The following BCKDHB variants were observed in gnomAD, a reference collection of about 807,000 sequenced individuals.
BCKDHB encodes the protein branched chain keto acid dehydrogenase E1 subunit beta.
A neutral mutation model predicts 48.5 loss-of-function variants in BCKDHB; 41 were observed. That is an observed-to-expected ratio of 0.85 (90% confidence interval 0.66 to 1.10). The LOEUF (loss-of-function observed/expected upper bound fraction) is 1.10, where lower values mean the gene tolerates loss of function less well. BCKDHB is among the 50% of genes least tolerant of loss of function. The probability of loss-of-function intolerance (pLI) is 0.00; values close to 1 mark genes in which losing one functional copy is unlikely to be tolerated. For missense variants in BCKDHB, 496 were observed against 494.2 expected (o/e 1.00, Z -0.03); for synonymous variants, 201 against 174.8 (o/e 1.15, Z -1.18).
At chr6:80,186,677 C>T (rs1773657526) in intron 6 of BCKDHB, among the ~76,000 whole-genome samples, 1 of 152,178 alleles carries the variant, frequency 6.6e-6, no homozygotes, top group Non-Finnish European at 1.5e-5. Context: ...CTTCTTTCAT[C>T]CTATGGCCCC....
chr6:80,220,652 A>G (rs894907037), intron 8 of BCKDHB, among the ~76,000 whole-genome samples: 2 of 151,672 alleles, frequency 1.3e-5, no homozygotes, highest in African/African-American at 4.8e-5. Flanking sequence ...ATTCTTGGAC[A>G]TCAGTGCTCA....
At chr6:80,266,511 C>CT (rs1336914136) in intron 8 of BCKDHB, among the ~76,000 whole-genome samples, 1 of 151,948 alleles carries the variant, frequency 6.6e-6, no homozygotes, top group African/African-American at 2.4e-5. Flanking sequence ...CCATTGTGAC[C>CT]TTTTTTCAGT....
chr6:80,344,132 G>A lies in BCKDHB; in HGVS notation c.*328G>A. 1 of 351,822 alleles carries A rather than the reference G, an allele frequency of 2.8e-6. No homozygotes were observed. Among genetic ancestry groups the A allele is most frequent in the Non-Finnish European group, 5.5e-6 (1 of 182,740 alleles). The allele number at this position is 351,822 out of a possible 1,614,324, so 21.8% of individuals were successfully genotyped here. On this transcript the variant is annotated 3_prime_UTR_variant, in exon 10 of 10. Coordinates refer to ENST00000320393, the MANE Select transcript of BCKDHB (RefSeq NM_183050.4). Reference sequence around the variant, plus strand: ...CGATTCTCCTGCCTCAGCCTGCTGAGTAGTTGGGATTACAGGCGCCCACCA... The same window carrying A: ...CGATTCTCCTGCCTCAGCCTGCTGAATAGTTGGGATTACAGGCGCCCACCA...
chr6:80,465,568 T>G, the BCKDHB span, among the ~76,000 whole-genome samples: 2 of 152,200 alleles, frequency 1.3e-5, no homozygotes, highest in African/African-American at 4.8e-5. Context: ...TGTATTAACT[T>G]AGGTTGAAAC....
At chr6:80,391,330 A>G in the BCKDHB span, among the ~76,000 whole-genome samples, 1 of 152,114 alleles carries the variant, frequency 6.6e-6, no homozygotes, top group Admixed American at 6.6e-5. Context: ...AAAAGATGTG[A>G]TTCAGTTGAG....
intron 6 of BCKDHB, among the ~76,000 whole-genome samples, chr6:80,199,393 A>G (rs1774277138): frequency 6.6e-6 from 1 of 152,144 alleles, no homozygotes; most frequent in African/African-American, 2.4e-5. Flanking sequence ...CTTTTTGAAT[A>G]TACATATATA....
At chr6:80,238,613 T>G (rs1776244291) in intron 8 of BCKDHB, among the ~76,000 whole-genome samples, 1 of 152,014 alleles carries the variant, frequency 6.6e-6, no homozygotes, top group South Asian at 2.1e-4. Context: ...TTTTATTTTT[T>G]ATTATACTTT....
the BCKDHB span, among the ~76,000 whole-genome samples, chr6:80,416,250 T>A: frequency 6.6e-6 from 1 of 151,736 alleles, no homozygotes; most frequent in East Asian, 1.9e-4. Flanking sequence ...AATAGGTTTT[T>A]TTTTTTTTTC....
intron 8 of BCKDHB, among the ~76,000 whole-genome samples, chr6:80,214,271 G>C (rs1299749936): frequency 6.6e-6 from 1 of 152,150 alleles, no homozygotes; most frequent in East Asian, 1.9e-4. Context: ...AAGTATTTGT[G>C]AATGGTGCAG....
intron 9 of BCKDHB, among the ~76,000 whole-genome samples, chr6:80,333,731 G>A (rs954044866): frequency 1.3e-5 from 2 of 151,980 alleles, no homozygotes; most frequent in Non-Finnish European, 2.9e-5. Flanking sequence ...AAATGCCCTG[G>A]TTCATCTAAA....
chr6:80,407,791 C>A, the BCKDHB span, among the ~76,000 whole-genome samples: 1 of 152,126 alleles, frequency 6.6e-6, no homozygotes, highest in Non-Finnish European at 1.5e-5. Context: ...ACAGTCATGT[C>A]ATCTGCAAAC....
At chr6:80,445,728 A>T in the BCKDHB span, among the ~76,000 whole-genome samples, 1 of 152,164 alleles carries the variant, frequency 6.6e-6, no homozygotes, top group African/African-American at 2.4e-5. Context: ...TCCTGGCAAC[A>T]TTTAGAGATG....
the BCKDHB span, among the ~76,000 whole-genome samples, chr6:80,391,475 G>A: frequency 6.6e-6 from 1 of 152,144 alleles, no homozygotes; most frequent in African/African-American, 2.4e-5. Context: ...AGAGATTGGA[G>A]TGATGCAACT....
the BCKDHB span, among the ~76,000 whole-genome samples, chr6:80,456,930 T>C: frequency 6.6e-6 from 1 of 152,240 alleles, no homozygotes; most frequent in Non-Finnish European, 1.5e-5. Flanking sequence ...GAGTTCATTA[T>C]GCTGTATTGA....
At chr6:80,150,839 GA>G (rs1334102806) in intron 3 of BCKDHB, among the ~76,000 whole-genome samples, 3 of 152,116 alleles carry the variant, frequency 2.0e-5, no homozygotes, top group Non-Finnish European at 4.4e-5. Context: ...TTACAGGCGT[GA>G]GCCACCACAC....
At chr6:80,396,458 G>A in the BCKDHB span, among the ~76,000 whole-genome samples, 1 of 152,226 alleles carries the variant, frequency 6.6e-6, no homozygotes, top group Non-Finnish European at 1.5e-5. Context: ...GTTAATGTGG[G>A]AATGAGTTAA....
the BCKDHB span, among the ~76,000 whole-genome samples, chr6:80,437,615 G>A: frequency 3.9e-5 from 6 of 152,172 alleles, no homozygotes; most frequent in African/African-American, 1.4e-4. Flanking sequence ...AAGAGTATAA[G>A]TAATATTTTC....
intron 1 of BCKDHB, among the ~76,000 whole-genome samples, chr6:80,124,703 C>T (rs1405547498): frequency 6.6e-6 from 1 of 152,158 alleles, no homozygotes; most frequent in Non-Finnish European, 1.5e-5. Context: ...TCCGTCAGAG[C>T]GCTTGGGTGA....
At chr6:80,374,963 G>A in the BCKDHB span, among the ~76,000 whole-genome samples, 1 of 152,150 alleles carries the variant, frequency 6.6e-6, no homozygotes, top group Admixed American at 6.5e-5. Flanking sequence ...TGTTTAAGGA[G>A]GCTAAAGATA....
Sources: allele counts gnomAD v4.1 joint callset (sites outside exome capture counted in the v4.1 genomes callset), GRCh38; gene constraint gnomAD v4.1.1; transcripts MANE v1.5; gene names NCBI Gene and HGNC (gene_info 2026-07-23, HGNC 2026-07-21).